The following MEGF10 variants were observed in gnomAD, a reference collection of about 807,000 sequenced individuals.
MEGF10 encodes the protein multiple EGF like domains 10.
A neutral mutation model predicts 147.5 loss-of-function variants in MEGF10; 86 were observed. The ratio of observed to expected loss-of-function variants is 0.58; its 90% confidence interval spans 0.49 to 0.70. MEGF10 has a LOEUF of 0.70. Ranked by LOEUF, MEGF10 falls within the 30% of genes least tolerant of loss-of-function variation. MEGF10 has a pLI of 0.00. For synonymous variants in MEGF10, 478 were observed against 525.5 expected, an observed-to-expected ratio of 0.91 and a Z score of 1.24; for missense variants, 1,329 against 1,487.3, an observed-to-expected ratio of 0.89 and a Z score of 1.75.
At chr5:127,393,973 T>C (rs1763807847) in intron 5 of MEGF10, among the ~76,000 whole-genome samples, 1 of 152,184 alleles carries the variant, frequency 6.6e-6, no homozygotes, top group African/African-American at 2.4e-5. Flanking sequence ...TCTCCCTACC[T>C]CTCTCTTGTT....
rs1762794299 is a variant in MEGF10 at position 127,370,012 on chromosome 5, C to T, written c.412+10C>T. 1 of 1,608,408 alleles carries T rather than the reference C, an allele frequency of 6.2e-7. No homozygotes were observed. Among genetic ancestry groups the T allele is most frequent in the Non-Finnish European group, 8.5e-7 (1 of 1,175,316 alleles). On this transcript the variant is annotated intron_variant, in intron 5 of 24. Transcript: ENST00000503335. Reference sequence around the variant, plus strand: ...ACCAACTGCTCCAGTGGTAAGTTTCCACCTGCTGTTGTCTGTCTCGGGATG... The same window carrying T: ...ACCAACTGCTCCAGTGGTAAGTTTCTACCTGCTGTTGTCTGTCTCGGGATG...
intron 19 of MEGF10, among the ~76,000 whole-genome samples, chr5:127,444,145 C>T (rs1472292976): frequency 6.6e-6 from 1 of 152,126 alleles, no homozygotes; most frequent in Non-Finnish European, 1.5e-5. Flanking sequence ...TGAAGCATGC[C>T]CTCCAGAGAG....
intron 22 of MEGF10, among the ~76,000 whole-genome samples, chr5:127,452,481 G>A (rs1198087525): frequency 6.6e-6 from 1 of 152,144 alleles, no homozygotes; most frequent in African/African-American, 2.4e-5. Flanking sequence ...GCTACAAGTT[G>A]AAAGATCACC....
chr5:127,308,381 A>T (rs959687716), intron 1 of MEGF10, among the ~76,000 whole-genome samples: 1 of 152,208 alleles, frequency 6.6e-6, no homozygotes, highest in Non-Finnish European at 1.5e-5. Context: ...CAAGTTCAAC[A>T]AACAAATCAG....
chr5:127,267,222 A>G, the MEGF10 span, among the ~76,000 whole-genome samples: 2 of 152,162 alleles, frequency 1.3e-5, 1 homozygote, highest in African/African-American at 4.8e-5. Context: ...GCTGGATTAC[A>G]TTTATTGATT....
At position 127,395,036 on chromosome 5, in the gene MEGF10, G is replaced by A. The variant is rs1763846830; in HGVS notation, c.413-1496G>A. Among the ~76,000 whole-genome samples the A allele has an allele frequency of 2.6e-5, 4 of 152,098 alleles. No individual in the cohort carries two copies. The South Asian group carries it at 8.3e-4, about 32-fold the overall frequency. On this transcript the variant is annotated intron_variant, in intron 5 of 24. Coordinates refer to ENST00000503335, the MANE Select transcript of MEGF10 (RefSeq NM_001256545.2). ...TTCTTCTTTTGAACAATTTATTCCA[G>A]ATCTGTTGAAGTTACAAAATTTTTA...
At chr5:127,378,818 C>T (rs908571838) in intron 5 of MEGF10, among the ~76,000 whole-genome samples, 8 of 152,006 alleles carry the variant, frequency 5.3e-5, no homozygotes, top group African/African-American at 1.9e-4. Context: ...ATTCCCCAGA[C>T]AGAAGACCTA....
chr5:127,377,270 T>G (rs1763067411), intron 5 of MEGF10, among the ~76,000 whole-genome samples: 2 of 152,250 alleles, frequency 1.3e-5, no homozygotes, highest in Admixed American at 1.3e-4. Context: ...TCTTATTCCA[T>G]ATAATCCTAT....
At chr5:127,368,552 T>G (rs907163867) in intron 4 of MEGF10, among the ~76,000 whole-genome samples, 2 of 152,214 alleles carry the variant, frequency 1.3e-5, no homozygotes, top group Non-Finnish European at 2.9e-5. Context: ...GGTCTCTCTC[T>G]CTACCTTGCA....
At chr5:127,377,606 A>T (rs1422321) in intron 5 of MEGF10, among the ~76,000 whole-genome samples, 46 of 152,210 alleles carry the variant, frequency 3.0e-4, no homozygotes, top group Non-Finnish European at 6.2e-4. Context: ...AGCAGGCATG[A>T]TGTACAGCAT....
In MEGF10 at chr5:127,419,179, C is replaced by T; in HGVS notation, c.1365C>T (p.Arg455=). ...LGTYGINCSS[R]CGCKNDAVCS... ...CCTATGGGATAAACTGTTCCTCTCG[C>T]TGTGGCTGTAAAAATGATGCAGTCT... Residue 455 remains arginine, a synonymous_variant, in exon 11 of 25, where the codon CGC becomes CGT. Coordinates refer to ENST00000503335, the MANE Select transcript of MEGF10 (RefSeq NM_001256545.2). 1.2e-6 allele frequency: 2 copies of T among 1,614,178 alleles called. No homozygotes were observed. The highest frequency in any genetic ancestry group is 1.7e-6 in the Non-Finnish European group (2 of 1,180,018).
At chr5:127,455,893 C>A (rs940581845) in intron 24 of MEGF10, among the ~76,000 whole-genome samples, 1 of 152,112 alleles carries the variant, frequency 6.6e-6, no homozygotes, top group Non-Finnish European at 1.5e-5. Context: ...GCACGCACTA[C>A]CACGCCCAGC....
At position 127,372,769 on chromosome 5, in the gene MEGF10, A is replaced by G. The variant is rs1762892480; in HGVS notation, c.412+2767A>G. 2.0e-5 allele frequency among the ~76,000 whole-genome samples: 3 copies of G among 152,186 alleles called. No individual in the cohort carries two copies. The South Asian group carries it at 6.2e-4, about 31-fold the overall frequency. On this transcript the variant is annotated intron_variant, in intron 5 of 24. Transcript: ENST00000503335. ...TTGAAGTGCTCTTTCTCTTCACATG[A>G]TATCATGATATCCATGTGACATCAC... is the stretch of plus-strand genomic sequence containing the variant.
chr5:127,376,230 T>G (rs1283083783), intron 5 of MEGF10, among the ~76,000 whole-genome samples: 1 of 152,092 alleles, frequency 6.6e-6, no homozygotes, highest in Non-Finnish European at 1.5e-5. Context: ...TAGTAAGAAG[T>G]AAGTGTACGG....
At chr5:127,331,818 A>G (rs747632289) in intron 2 of MEGF10, among the ~76,000 whole-genome samples, 2 of 152,176 alleles carry the variant, frequency 1.3e-5, no homozygotes, top group Admixed American at 6.5e-5. Flanking sequence ...GTATTGAAAT[A>G]TATGGGATTT....
intron 1 of MEGF10, among the ~76,000 whole-genome samples, chr5:127,327,716 T>C (rs1761093829): frequency 1.0e-4 from 1 of 9,556 alleles, no homozygotes; most frequent in Admixed American, 1.0e-3. Flanking sequence ...TTTCTTTTCT[T>C]TTTTTTTTTT....
chr5:127,412,920 A>C (rs1320409802), intron 9 of MEGF10, among the ~76,000 whole-genome samples: 2 of 152,182 alleles, frequency 1.3e-5, no homozygotes, highest in Admixed American at 1.3e-4. Flanking sequence ...ACACATCTCC[A>C]GTATCTAGCA....
chr5:127,231,184 C>T, the MEGF10 span, among the ~76,000 whole-genome samples: 2 of 152,180 alleles, frequency 1.3e-5, no homozygotes, highest in Non-Finnish European at 2.9e-5. Flanking sequence ...CTGTAGTCAT[C>T]GTGATGTTTA....
intron 5 of MEGF10, among the ~76,000 whole-genome samples, chr5:127,372,099 T>C (rs772449709): frequency 2.0e-4 from 30 of 152,348 alleles, no homozygotes; most frequent in Non-Finnish European, 4.1e-4. Context: ...TCTAGTAATA[T>C]GCTACTTAGC....
Sources: allele counts gnomAD v4.1 joint callset (sites outside exome capture counted in the v4.1 genomes callset), GRCh38; gene constraint gnomAD v4.1.1; transcripts MANE v1.5; gene names NCBI Gene and HGNC (gene_info 2026-07-23, HGNC 2026-07-21).